Variants in PTPN22 observed in about 807,000 individuals in gnomAD.
PTPN22 encodes the protein protein tyrosine phosphatase non-receptor type 22.
Under a neutral mutation model 103.3 loss-of-function variants are expected in PTPN22, and 85 were observed. The observed-to-expected ratio is 0.82, with a 90% CI of 0.69 to 0.99. The LOEUF is 0.99. Among genes scored for constraint, PTPN22 ranks in the 50% least tolerant of loss-of-function variants. PTPN22 has a pLI of 0.00. For synonymous variants in PTPN22, 323 were observed against 310.2 expected, an observed-to-expected ratio of 1.04 and a Z score of -0.43; for missense variants, 865 against 936.9, an observed-to-expected ratio of 0.92 and a Z score of 1.00.
chr1:113,827,421 A>G (rs1008562714), intron 18 of PTPN22, among the ~76,000 whole-genome samples: 28 of 152,118 alleles, frequency 1.8e-4, no homozygotes, highest in Non-Finnish European at 3.1e-4. Context: ...TATATAAGTA[A>G]ATACACATAT....
At position 113,859,096 on chromosome 1, in the gene PTPN22, G is replaced by C. The variant is rs760404237; in HGVS notation, c.197-18C>G. On this transcript the variant is annotated intron_variant, in intron 2 of 20. Transcript: ENST00000359785. ...ATAATCATCTATAATACAAAAGACA[G>C]ACATAGTACAATTAAGAGGGCTTAG... is the stretch of plus-strand genomic sequence containing the variant. 6.2e-7 allele frequency: 1 copy of C among 1,612,142 alleles called. No individual in the cohort carries two copies. Among genetic ancestry groups the C allele is most frequent in the East Asian group, 2.2e-5 (1 of 44,878 alleles).
intron 10 of PTPN22, among the ~76,000 whole-genome samples, chr1:113,848,874 C>G (rs144103689): frequency 6.6e-6 from 1 of 152,104 alleles, no homozygotes; most frequent in African/African-American, 2.4e-5. Flanking sequence ...GTACAGGAAT[C>G]TTATGACTTG....
chr1:113,825,703 ATGTTGTTGTTGT>A (rs752873236), intron 18 of PTPN22, among the ~76,000 whole-genome samples: 3,803 of 151,100 alleles, frequency 0.025, 67 homozygotes, highest in Non-Finnish European at 0.039. Context: ...AGATTAATAA[ATGTTGTTGTTGT>A]TGTTGTTGTT....
At chr1:113,869,491 T>C (rs1666396984) in intron 1 of PTPN22, among the ~76,000 whole-genome samples, 1 of 151,754 alleles carries the variant, frequency 6.6e-6, no homozygotes, top group South Asian at 2.1e-4. Context: ...GCCTCCCGAG[T>C]TTAAGCGATT....
chr1:113,865,416 A>G (rs1571479901), intron 1 of PTPN22, among the ~76,000 whole-genome samples: 2 of 60,292 alleles, frequency 3.3e-5, no homozygotes, highest in East Asian at 4.6e-4. Context: ...TTTCCATTTC[A>G]TGGGTAAAAA....
At chr1:113,848,712 C>A (rs1257376481) in intron 10 of PTPN22, 86 bp from the exon 11 acceptor site, 3 of 1,206,174 alleles carry the variant, frequency 2.5e-6, no homozygotes. Flanking sequence ...AATATGAACA[C>A]CAATCAAATC....
chr1:113,860,836 T>A (rs953222969), intron 1 of PTPN22, among the ~76,000 whole-genome samples: 1 of 152,236 alleles, frequency 6.6e-6, no homozygotes, highest in African/African-American at 2.4e-5. Flanking sequence ...GTTATACTGT[T>A]TTTATTTATT....
chr1:113,851,451 G>A (rs576605440), intron 10 of PTPN22, among the ~76,000 whole-genome samples: 79 of 152,246 alleles, frequency 5.2e-4, no homozygotes, highest in Non-Finnish European at 9.6e-4. Context: ...ACCGCGCCCG[G>A]CCCAATTATG....
intron 11 of PTPN22, among the ~76,000 whole-genome samples, chr1:113,840,293 T>A (rs955246964): frequency 6.6e-6 from 1 of 151,496 alleles, no homozygotes; most frequent in East Asian, 1.9e-4. Context: ...ATTTTATATA[T>A]GGGATTCCAC....
intron 15 of PTPN22, 126 bp downstream of exon 15, chr1:113,834,183 C>T (rs975770894): frequency 4.3e-5 from 45 of 1,051,480 alleles, no homozygotes; most frequent in Non-Finnish European, 5.5e-5. Context: ...TCCCAACATC[C>T]TCTAGCACAT....
At chr1:113,863,137 G>C (rs768716141) in intron 1 of PTPN22, among the ~76,000 whole-genome samples, 1 of 152,186 alleles carries the variant, frequency 6.6e-6, no homozygotes, top group Non-Finnish European at 1.5e-5. Context: ...TTGTCACCCA[G>C]CAGAGAGTTC....
chr1:113,824,125 G>C (rs1181010357), intron 19 of PTPN22, among the ~76,000 whole-genome samples: 1 of 145,436 alleles, frequency 6.9e-6, no homozygotes, highest in South Asian at 2.1e-4. Context: ...TTTTTGAGAC[G>C]GAGTCTCGCT....
intron 11 of PTPN22, among the ~76,000 whole-genome samples, chr1:113,847,732 C>T (rs1282028052): frequency 1.3e-5 from 2 of 151,942 alleles, no homozygotes; most frequent in Non-Finnish European, 1.5e-5. Context: ...GTGCGCATCA[C>T]CATGCCCAGT....
chr1:113,846,371 T>C (rs1356928827), intron 11 of PTPN22, among the ~76,000 whole-genome samples: 1 of 152,210 alleles, frequency 6.6e-6, no homozygotes, highest in East Asian at 1.9e-4. Flanking sequence ...TGTTATCATT[T>C]TACCAGTTCA....
chr1:113,854,178 T>C (rs1179954277), intron 9 of PTPN22, among the ~76,000 whole-genome samples: 1 of 152,192 alleles, frequency 6.6e-6, no homozygotes, highest in Non-Finnish European at 1.5e-5. Flanking sequence ...AATTTTCAAA[T>C]AGACACATTC....
chr1:113,856,895 G>A (rs1665132119), intron 5 of PTPN22: 2 of 386,520 alleles, frequency 5.2e-6, no homozygotes, highest in South Asian at 6.6e-5. Flanking sequence ...GAAATCATAT[G>A]TCTACTAAAA....
intron 19 of PTPN22, chr1:113,823,034 T>G (rs1661749512): frequency 1.3e-5 from 2 of 152,238 alleles, no homozygotes; most frequent in Admixed American, 1.3e-4. Flanking sequence ...GTTACCCTTT[T>G]GTTTTCCTTC....
chr1:113,842,581 G>A (rs1171062428), intron 11 of PTPN22, among the ~76,000 whole-genome samples: 1 of 152,184 alleles, frequency 6.6e-6, no homozygotes, highest in Non-Finnish European at 1.5e-5. Context: ...GGCTGAGGCA[G>A]GAGAATCGCT....
chr1:113,843,990 G>T (rs1018615949), intron 11 of PTPN22, among the ~76,000 whole-genome samples: 4 of 152,138 alleles, frequency 2.6e-5, no homozygotes, highest in Non-Finnish European at 5.9e-5. Flanking sequence ...TAGCACTTTG[G>T]GGGGCCAAGG....
Sources: allele counts gnomAD v4.1 joint callset (sites outside exome capture counted in the v4.1 genomes callset), GRCh38; gene constraint gnomAD v4.1.1; transcripts MANE v1.5; gene names NCBI Gene and HGNC (gene_info 2026-07-23, HGNC 2026-07-21).